The following ULK2 variants were observed in gnomAD, a reference collection of about 807,000 sequenced individuals.
ULK2 encodes the protein unc-51 like autophagy activating kinase 2, also known as serine/threonine-protein kinase ULK2.
Under a neutral mutation model 127.5 loss-of-function variants are expected in ULK2, and 76 were observed. That is an observed-to-expected ratio of 0.60 (90% CI 0.50 to 0.72). The LOEUF is 0.72. ULK2 is among the 30% of genes least tolerant of loss of function. The pLI, the probability that ULK2 is intolerant of heterozygous loss-of-function variation, is 0.00. For synonymous variants in ULK2, 452 were observed against 461.9 expected (o/e 0.98, Z 0.28); for missense variants, 1,144 against 1,295.9 (o/e 0.88, Z 1.80).
rs750130907 is a variant in ULK2, at chr17:19,825,057, C to A, written c.924+37G>T. ...CCATTTGAGAAAAGATGTAATAGCA[C>A]TAACTCTGAAATTATTTTTAATAAA... On this transcript the variant is annotated intron_variant, in intron 12 of 26. Transcript: ENST00000395544. 3.8e-6 allele frequency: 6 copies of A among 1,575,348 alleles called. No homozygotes were observed. The Admixed American group carries it at 1.0e-4, about 27-fold the overall frequency.
intron 10 of ULK2, among the ~76,000 whole-genome samples, chr17:19,831,156 G>A (rs960900023): frequency 6.6e-6 from 1 of 152,044 alleles, no homozygotes; most frequent in Non-Finnish European, 1.5e-5. Flanking sequence ...AAGCAAGCAT[G>A]TCTTACCATT....
At chr17:19,782,384 G>A (rs1332600801) in intron 22 of ULK2, among the ~76,000 whole-genome samples, 2 of 152,154 alleles carry the variant, frequency 1.3e-5, no homozygotes, top group Admixed American at 6.5e-5. Flanking sequence ...AGACAAAAAC[G>A]TGACAAGGTA....
Position 19,772,746 on chromosome 17 carries a change from C to G in ULK2, c.*3603G>C, listed in dbSNP as rs1567665554. The G allele has an allele frequency of 6.6e-6, 1 of 152,214 alleles. No individual in the cohort carries two copies. The highest frequency in any genetic ancestry group is 2.4e-5 in the African/African-American group (1 of 41,434). 9.4% of individuals were successfully genotyped at this position (152,214 alleles called of 1,614,324 possible). A position where few individuals can be genotyped will look rare whatever the true frequency, so the allele number is the denominator to read the frequency against. On this transcript the variant is annotated 3_prime_UTR_variant, in exon 27 of 27. Transcript: ENST00000395544. The stretch of plus-strand genomic sequence containing the variant: ...CCTGTAATCCCAGCACTTTGGGAGG[C>G]CGAGGCGGGCGGATCACGAGGTCAG...
chr17:19,821,994 CT>C lies in ULK2; in HGVS notation c.924+3099del, dbSNP rs796128705. On this transcript the variant is annotated intron_variant, in intron 12 of 26. Coordinates refer to ENST00000395544, the MANE Select transcript of ULK2 (RefSeq NM_014683.4). The stretch of plus-strand genomic sequence containing the variant: ...AGCAAGCACACCCAGCTGACCTTAT[CT>C]TTTTTTTTTTTTTCTTTGAGAGAAA... 1.8e-3 allele frequency among the ~76,000 whole-genome samples: 251 copies of C among 139,674 alleles called. 1 individual carries two copies. Among genetic ancestry groups the C allele is most frequent in the African/African-American group, 3.8e-3 (147 of 38,952 alleles). 91.6% of individuals were successfully genotyped at this position (139,674 alleles called of 152,430 possible).
chr17:19,846,872 GA>G lies in ULK2; in HGVS notation c.333del (p.Leu112CysfsTer45). On this transcript the variant is annotated frameshift_variant, in exon 6 of 27. Transcript: ENST00000395544. LOFTEE classifies it high-confidence loss of function. ...GTLSEDTIRV[F>X]LHQIAAAMRI... The stretch of plus-strand genomic sequence containing the variant: ...CGCATGGCAGCAGCAATCTGATGCA[GA>G]AACACTCTGATCGTGTCTTCACTGA... 2 of 1,613,570 alleles carry G rather than the reference GA, an allele frequency of 1.2e-6. No homozygotes were observed. The highest frequency in any genetic ancestry group is 1.7e-6 in the Non-Finnish European group (2 of 1,179,826).
Position 19,849,789 on chromosome 17 carries a change from T to C in ULK2, c.226-15A>G, listed in dbSNP as rs746338769. The C allele has an allele frequency of 1.3e-6, 2 of 1,489,960 alleles. No individual in the cohort carries two copies. The highest frequency in any genetic ancestry group is 1.3e-5 in the South Asian group (1 of 77,528). 92.3% of individuals were successfully genotyped at this position (1,489,960 alleles called of 1,614,324 possible). ...TTGGGTAATTCCTGAAAAGTAAACA[T>C]ATTAAATATCATTTAGAGAAAAATT... On this transcript the variant is annotated splice_polypyrimidine_tract_variant and intron_variant, in intron 3 of 26. Transcript: ENST00000395544.
intron 25 of ULK2, 133 bp from the exon 26 acceptor site, chr17:19,777,849 T>C: frequency 1.8e-6 from 2 of 1,119,380 alleles, no homozygotes; most frequent in Non-Finnish European, 2.5e-6. Context: ...TCTGCAAAAC[T>C]ACATAAAACT....
At chr17:19,847,024 G>T (rs2041900710) in intron 5 of ULK2, 114 bp from the exon 6 acceptor site, 3 of 960,548 alleles carry the variant, frequency 3.1e-6, no homozygotes, top group African/African-American at 1.7e-5. Context: ...GAGGAATTTG[G>T]ATTCACATTT....
chr17:19,848,032 T>C (rs572610745), intron 5 of ULK2, among the ~76,000 whole-genome samples: 6 of 152,284 alleles, frequency 3.9e-5, no homozygotes, highest in South Asian at 4.1e-4. Flanking sequence ...CGAGTTGACA[T>C]GATGATTAAA....
intron 6 of ULK2, 97 bp downstream of exon 6, chr17:19,846,640 A>C (rs2041890525): frequency 5.2e-6 from 1 of 190,948 alleles, no homozygotes; most frequent in Non-Finnish European, 9.3e-6. Context: ...ACTCCATCTC[A>C]AAAAAAAAAA....
intron 5 of ULK2, chr17:19,848,211 T>C (rs2041934487): frequency 6.6e-6 from 1 of 152,336 alleles, no homozygotes; most frequent in South Asian, 2.1e-4. Flanking sequence ...GGTATGCAAA[T>C]ACTTATTACA....
At chr17:19,806,734 T>C (rs1036281231) in intron 14 of ULK2, among the ~76,000 whole-genome samples, 1 of 152,210 alleles carries the variant, frequency 6.6e-6, no homozygotes, top group Non-Finnish European at 1.5e-5. Context: ...AAAGTCTGTG[T>C]ATGTCCTGAG....
In ULK2 at chr17:19,796,261, G is replaced by A; in HGVS notation, c.1831C>T (p.Pro611Ser). The A allele has an allele frequency of 1.2e-6, 2 of 1,609,436 alleles. No homozygotes were observed. The highest frequency in any genetic ancestry group is 8.5e-7 in the Non-Finnish European group (1 of 1,179,186). ...AGGTTGGAAGATGCTTGAGTTTTAG[G>A]GATTTTGAAAGGAGCTGTGGTCTAA... is the stretch of plus-strand genomic sequence containing the variant. ...PTKTTAPFKI[P>S]KTQASSNLLA... The change falls in exon 19 of 27, where the codon CCT becomes TCT. Residue 611 changes from proline (P) to serine (S), a missense_variant. Transcript: ENST00000395544.
chr17:19,819,266 T>C (rs866752234), intron 12 of ULK2, among the ~76,000 whole-genome samples: 16 of 152,348 alleles, frequency 1.1e-4, no homozygotes, highest in African/African-American at 3.1e-4. Flanking sequence ...CTTAAGGTAC[T>C]TGAACTTTTT....
At chr17:19,816,592 A>G (rs2040994819) in intron 13 of ULK2, 157 bp downstream of exon 13, 1 of 643,636 alleles carries the variant, frequency 1.6e-6, no homozygotes, top group African/African-American at 1.9e-5. Flanking sequence ...GCAAATTTTA[A>G]AAAGGTAGGA....
intron 3 of ULK2, among the ~76,000 whole-genome samples, chr17:19,853,490 T>C (rs1342976520): frequency 6.6e-6 from 1 of 151,894 alleles, no homozygotes; most frequent in Non-Finnish European, 1.5e-5. Context: ...ATATTCTTAA[T>C]TCATTCTCCA....
At chr17:19,846,515 C>G (rs1450180850) in intron 6 of ULK2, among the ~76,000 whole-genome samples, 1 of 151,850 alleles carries the variant, frequency 6.6e-6, no homozygotes. Flanking sequence ...TGGTGCATGC[C>G]TGTAATCCCA....
intron 12 of ULK2, among the ~76,000 whole-genome samples, chr17:19,822,333 T>C (rs2041170668): frequency 6.6e-6 from 1 of 152,048 alleles, no homozygotes; most frequent in South Asian, 2.1e-4. Context: ...AAAAAGGATA[T>C]GTTTATGCCA....
Position 19,776,283 on chromosome 17 carries a change from T to G in ULK2, c.*66A>C. 4 of 1,430,398 alleles carry G rather than the reference T, an allele frequency of 2.8e-6. No individual in the cohort carries two copies. Among genetic ancestry groups the G allele is most frequent in the Non-Finnish European group, 3.8e-6 (4 of 1,064,288 alleles). 88.6% of individuals were successfully genotyped at this position (1,430,398 alleles called of 1,614,324 possible). The stretch of plus-strand genomic sequence containing the variant: ...TTTCCTGGGGATGGGGTGACAGAAC[T>G]CAAGCTGTAATCCCAAAGGCATCAC... On this transcript the variant is annotated 3_prime_UTR_variant, in exon 27 of 27. Coordinates refer to ENST00000395544, the MANE Select transcript of ULK2 (RefSeq NM_014683.4).
Sources: gnomAD v4.1 joint callset for allele counts (sites outside exome capture counted in the v4.1 genomes callset) on GRCh38, gnomAD v4.1.1 for gene constraint, MANE v1.5 for transcripts, NCBI Gene and HGNC (gene_info 2026-07-23, HGNC 2026-07-21) for gene names.